Variants in KCNIP4 observed in about 807,000 individuals in gnomAD.
The protein encoded by KCNIP4 is potassium voltage-gated channel interacting protein 4, also known as Kv channel-interacting protein 4.
Under a neutral mutation model 34.0 loss-of-function variants are expected in KCNIP4, and 12 were observed. The ratio of observed to expected loss-of-function variants is 0.35; its 90% CI spans 0.23 to 0.57. KCNIP4 has a LOEUF of 0.57. Among genes scored for constraint, KCNIP4 ranks in the 20% least tolerant of loss-of-function variants. The probability of loss-of-function intolerance (pLI) is 0.83; values close to 1 mark genes in which losing one functional copy is unlikely to be tolerated. For missense variants in KCNIP4, 238 were observed against 311.7 expected (o/e 0.76, Z 1.78); for synonymous variants, 124 against 102.2 (o/e 1.21, Z -1.29).
chr4:21,683,856 T>G (rs1750597496), intron 1 of KCNIP4, among the ~76,000 whole-genome samples: 1 of 152,162 alleles, frequency 6.6e-6, no homozygotes, highest in Admixed American at 6.5e-5. Flanking sequence ...CAAATACCTG[T>G]GGTGCATACA....
At chr4:20,826,632 G>A (rs879312882) in intron 3 of KCNIP4, among the ~76,000 whole-genome samples, 1 of 151,950 alleles carries the variant, frequency 6.6e-6, no homozygotes, top group South Asian at 2.1e-4. Flanking sequence ...ATACAAAAGA[G>A]AGAGTGATGG....
chr4:21,670,644 T>TA (rs980491936), intron 1 of KCNIP4, among the ~76,000 whole-genome samples: 1 of 152,278 alleles, frequency 6.6e-6, no homozygotes, highest in South Asian at 2.1e-4. Flanking sequence ...AGACAGAATC[T>TA]AAAAAATATA....
At chr4:21,211,096 G>A (rs1261668805) in intron 1 of KCNIP4, among the ~76,000 whole-genome samples, 5 of 152,102 alleles carry the variant, frequency 3.3e-5, no homozygotes, top group African/African-American at 7.2e-5. Context: ...TTGGTCATGT[G>A]ATATCTTTTT....
intron 4 of KCNIP4, 63 bp downstream of exon 4, chr4:20,758,758 C>G: frequency 7.8e-7 from 1 of 1,285,336 alleles, no homozygotes; most frequent in Non-Finnish European, 1.1e-6. Flanking sequence ...AAAAATTAAA[C>G]TCAACACTGC....
intron 1 of KCNIP4, among the ~76,000 whole-genome samples, chr4:21,889,871 G>A (rs930437231): frequency 1.1e-4 from 17 of 152,116 alleles, no homozygotes; most frequent in African/African-American, 3.4e-4. Context: ...GTGTTTCCAC[G>A]TTTGATTCAT....
intron 1 of KCNIP4, among the ~76,000 whole-genome samples, chr4:20,910,347 C>A (rs914058444): frequency 6.6e-6 from 1 of 151,712 alleles, no homozygotes; most frequent in African/African-American, 2.4e-5. Flanking sequence ...TAATGTACAC[C>A]TTTGTCAACA....
intron 1 of KCNIP4, among the ~76,000 whole-genome samples, chr4:21,433,009 A>G (rs1726626530): frequency 6.6e-6 from 1 of 152,184 alleles, no homozygotes; most frequent in Non-Finnish European, 1.5e-5. Context: ...AGGATCAGCC[A>G]TACCTAAGTC....
At chr4:21,821,552 T>C (rs1037345230) in intron 1 of KCNIP4, among the ~76,000 whole-genome samples, 2 of 152,138 alleles carry the variant, frequency 1.3e-5, no homozygotes, top group African/African-American at 2.4e-5. Flanking sequence ...AATTTTAAAA[T>C]TTGTCACAGA....
At chr4:21,887,276 G>A (rs1269068850) in intron 1 of KCNIP4, among the ~76,000 whole-genome samples, 5 of 152,028 alleles carry the variant, frequency 3.3e-5, no homozygotes, top group South Asian at 2.1e-4. Context: ...GTTCCAGCAC[G>A]GTCAGGTTCT....
rs147924919 is a variant in KCNIP4 at position 20,871,887 on chromosome 4, CATT to C, written c.163+10718_163+10720del. Among the ~76,000 whole-genome samples the C allele has an allele frequency of 3.4e-3, 524 of 152,168 alleles. 6 individuals carry two copies. The highest frequency in any genetic ancestry group is 0.014 in the Middle Eastern group (4 of 294). ...CAAAAAATCATAAAATCTCCCACAACATTATTAAGTGAAAAGAGTTGGAAGTGA... is the reference window on the plus strand; with the variant it reads ...CAAAAAATCATAAAATCTCCCACAACATTAAGTGAAAAGAGTTGGAAGTGA... On this transcript the variant is annotated intron_variant, in intron 2 of 8. Transcript: ENST00000382152.
chr4:21,913,125 G>T (rs1272417679), intron 1 of KCNIP4, among the ~76,000 whole-genome samples: 1 of 151,896 alleles, frequency 6.6e-6, no homozygotes, highest in Non-Finnish European at 1.5e-5. Context: ...TAAGTAGTGG[G>T]CCTTTAAAAG....
intron 1 of KCNIP4, among the ~76,000 whole-genome samples, chr4:21,604,549 T>C (rs887041649): frequency 1.3e-5 from 2 of 152,054 alleles, no homozygotes; most frequent in East Asian, 1.9e-4. Flanking sequence ...CAAGCATAAA[T>C]GGGACCTTGG....
intron 1 of KCNIP4, among the ~76,000 whole-genome samples, chr4:21,383,616 G>A (rs988807873): frequency 1.3e-5 from 2 of 151,934 alleles, no homozygotes; most frequent in African/African-American, 4.8e-5. Flanking sequence ...TTGCATGGAG[G>A]GGATCACTAA....
At chr4:21,046,711 C>A (rs1463146880) in intron 1 of KCNIP4, among the ~76,000 whole-genome samples, 1 of 152,066 alleles carries the variant, frequency 6.6e-6, no homozygotes, top group African/African-American at 2.4e-5. Context: ...CCTGCCTTGG[C>A]CCTGCAAGTA....
At chr4:21,540,214 C>T (rs1026321344) in intron 1 of KCNIP4, among the ~76,000 whole-genome samples, 1 of 152,072 alleles carries the variant, frequency 6.6e-6, no homozygotes, top group Non-Finnish European at 1.5e-5. Flanking sequence ...AATCCTAGAG[C>T]ACATGTTATC....
At chr4:20,895,229 T>C (rs1030243740) in intron 1 of KCNIP4, among the ~76,000 whole-genome samples, 1 of 152,200 alleles carries the variant, frequency 6.6e-6, no homozygotes, top group Non-Finnish European at 1.5e-5. Context: ...CTTCTCTGCC[T>C]CTTTGGTTAA....
At chr4:21,099,861 A>G (rs1747790082) in intron 1 of KCNIP4, among the ~76,000 whole-genome samples, 1 of 152,156 alleles carries the variant, frequency 6.6e-6, no homozygotes, top group African/African-American at 2.4e-5. Flanking sequence ...TCAATAGTTT[A>G]GTGGAGGAAG....
intron 1 of KCNIP4, among the ~76,000 whole-genome samples, chr4:20,991,469 C>A (rs1737078118): frequency 6.6e-6 from 1 of 152,066 alleles, no homozygotes; most frequent in Non-Finnish European, 1.5e-5. Flanking sequence ...AGAGAAGAAA[C>A]AGGCAATTCT....
intron 1 of KCNIP4, among the ~76,000 whole-genome samples, chr4:21,356,667 G>A (rs944664316): frequency 6.6e-6 from 1 of 151,990 alleles, no homozygotes; most frequent in Non-Finnish European, 1.5e-5. Flanking sequence ...AAATAAAAGA[G>A]GACACAAACA....
Sources: allele counts gnomAD v4.1 joint callset (sites outside exome capture counted in the v4.1 genomes callset), GRCh38; gene constraint gnomAD v4.1.1; transcripts MANE v1.5; gene names NCBI Gene and HGNC (gene_info 2026-07-23, HGNC 2026-07-21).